The following NTM variants were observed in gnomAD, a reference collection of about 807,000 sequenced individuals.
NTM encodes neurotrimin.
Under a neutral mutation model 42.1 loss-of-function variants are expected in NTM, and 13 were observed. The ratio of observed to expected loss-of-function variants is 0.31; its 90% CI spans 0.20 to 0.49. The LOEUF is 0.49. NTM is among the 20% of genes least tolerant of loss of function. The pLI is 0.99. For missense variants in NTM, 373 were observed against 452.8 expected, an observed-to-expected ratio of 0.82 and a Z score of 1.60; for synonymous variants, 187 against 179.2, an observed-to-expected ratio of 1.04 and a Z score of -0.35.
intron 1 of NTM, among the ~76,000 whole-genome samples, chr11:131,701,737 G>T (rs2076092395): frequency 6.6e-6 from 1 of 152,064 alleles, no homozygotes; most frequent in African/African-American, 2.4e-5. Context: ...TGTCCATGGG[G>T]TCCTAGGGCA....
At chr11:132,144,042 A>T (rs928482098) in intron 2 of NTM, among the ~76,000 whole-genome samples, 1 of 152,192 alleles carries the variant, frequency 6.6e-6, no homozygotes, top group African/African-American at 2.4e-5. Flanking sequence ...ATGCAGATTC[A>T]AATTTCTTAT....
intron 3 of NTM, among the ~76,000 whole-genome samples, chr11:132,188,367 C>T (rs2078765600): frequency 6.6e-6 from 1 of 152,108 alleles, no homozygotes; most frequent in Non-Finnish European, 1.5e-5. Flanking sequence ...TTGTCTCCCT[C>T]CAGGCCATGC....
chr11:131,542,949 A>C (rs1326440045), intron 1 of NTM, among the ~76,000 whole-genome samples: 1 of 152,156 alleles, frequency 6.6e-6, no homozygotes, highest in Non-Finnish European at 1.5e-5. Context: ...GATTCCCAAA[A>C]CAATCCAAAA....
At chr11:132,307,855 G>C in intron 5 of NTM, 32 bp downstream of exon 5, 1 of 1,607,464 alleles carries the variant, frequency 6.2e-7, no homozygotes, top group South Asian at 1.1e-5. Flanking sequence ...CGCCCTGCAC[G>C]TGCATCAGGC....
At chr11:132,036,917 G>A (rs1227603347) in intron 2 of NTM, among the ~76,000 whole-genome samples, 4 of 152,116 alleles carry the variant, frequency 2.6e-5, no homozygotes, top group African/African-American at 9.7e-5. Context: ...TGGTGCTGTG[G>A]GTGGTATCCT....
intron 2 of NTM, among the ~76,000 whole-genome samples, chr11:131,975,417 A>T (rs1459743978): frequency 1.3e-5 from 2 of 151,982 alleles, no homozygotes; most frequent in East Asian, 1.9e-4. Flanking sequence ...TCACCTCATG[A>T]TCCACCTGCC....
intron 4 of NTM, among the ~76,000 whole-genome samples, chr11:132,279,745 C>A (rs1345417707): frequency 1.3e-5 from 2 of 152,164 alleles, no homozygotes; most frequent in Non-Finnish European, 2.9e-5. Context: ...CACCCACACA[C>A]ATGCCCATAC....
intron 1 of NTM, among the ~76,000 whole-genome samples, chr11:131,719,149 A>C (rs1250818363): frequency 1.3e-5 from 2 of 152,098 alleles, no homozygotes; most frequent in African/African-American, 4.8e-5. Context: ...GACTCCAGCT[A>C]TCTGCCCGTC....
intron 4 of NTM, among the ~76,000 whole-genome samples, chr11:132,286,049 C>T (rs1045789561): frequency 6.6e-6 from 1 of 152,202 alleles, no homozygotes; most frequent in African/African-American, 2.4e-5. Flanking sequence ...CTTGGCTTGG[C>T]TGCTGGCTGA....
rs757870387 is a variant in NTM at position 131,828,785 on chromosome 11, A to G, written c.83-82779A>G. 8.5e-4 allele frequency among the ~76,000 whole-genome samples: 129 copies of G among 152,128 alleles called. 4 individuals carry two copies. Among genetic ancestry groups the G allele is most frequent in the Non-Finnish European group, 2.2e-4 (15 of 68,028 alleles). On this transcript the variant is annotated intron_variant, in intron 1 of 8. Coordinates refer to ENST00000683400, the MANE Select transcript of NTM (RefSeq NM_001352005.2). ...TTCCCTCTTTTCTTCTCACTAACCT[A>G]GTCTCTATTCTACCTTCCAAGTATC...
intron 4 of NTM, among the ~76,000 whole-genome samples, chr11:132,271,092 C>T (rs561487725): frequency 3.9e-5 from 6 of 152,150 alleles, no homozygotes; most frequent in South Asian, 2.1e-4. Context: ...ACATTACCTT[C>T]CCTAAGGCCA....
intron 1 of NTM, among the ~76,000 whole-genome samples, chr11:131,583,299 C>T (rs952450722): frequency 2.6e-5 from 4 of 152,122 alleles, no homozygotes; most frequent in Admixed American, 2.0e-4. Context: ...CAGTACCTTC[C>T]CCATCCACCT....
chr11:131,969,161 G>A (rs969056239), intron 2 of NTM, among the ~76,000 whole-genome samples: 18 of 152,180 alleles, frequency 1.2e-4, no homozygotes, highest in Non-Finnish European at 4.4e-5. Flanking sequence ...ATAATCAGAA[G>A]TTTACCCAGG....
At position 131,521,383 on chromosome 11, in the gene NTM, C is replaced by CTTTTTTTTT. The variant is rs773233050; in HGVS notation, c.82+150526_82+150534dup. Among the ~76,000 whole-genome samples, 16 of 45,756 alleles carry CTTTTTTTTT rather than the reference C, an allele frequency of 3.5e-4. 5 individuals are homozygous for CTTTTTTTTT. The highest frequency in any genetic ancestry group is 1.9e-3 in the South Asian group (2 of 1,074). 30.0% of individuals were successfully genotyped at this position (45,756 alleles called of 152,430 possible). On this transcript the variant is annotated intron_variant, in intron 1 of 8. Coordinates refer to ENST00000683400, the MANE Select transcript of NTM (RefSeq NM_001352005.2). ...AATGCAGAAGAAGCAAGGTGCCAGT[C>CTTTTTTTTT]TTTTTTTTTTTTTTTTTTTTTTTTT...
chr11:131,912,147 CTG>C lies in NTM; in HGVS notation c.167+502_167+503del, dbSNP rs1437998340. Among the ~76,000 whole-genome samples the C allele has an allele frequency of 3.3e-5, 5 of 152,224 alleles. No homozygotes were observed. The East Asian group carries it at 9.6e-4, about 29-fold the overall frequency. On this transcript the variant is annotated intron_variant, in intron 2 of 8. Coordinates refer to ENST00000683400, the MANE Select transcript of NTM (RefSeq NM_001352005.2). ...AGCCGCTGCTTTGTCCTGGGCCTGA[CTG>C]TGCCCGGGCTTTCCTGGGGTGCCTT... is the stretch of plus-strand genomic sequence containing the variant.
At chr11:132,206,926 T>G (rs1859609673) in intron 3 of NTM, among the ~76,000 whole-genome samples, 1 of 152,230 alleles carries the variant, frequency 6.6e-6, no homozygotes, top group African/African-American at 2.4e-5. Flanking sequence ...ATATTTTGCC[T>G]TGTTATTCAA....
intron 4 of NTM, among the ~76,000 whole-genome samples, chr11:132,289,913 G>A (rs1330081202): frequency 6.6e-6 from 1 of 152,166 alleles, no homozygotes; most frequent in African/African-American, 2.4e-5. Context: ...TTATCCAAGA[G>A]TTTTTGTTTG....
chr11:132,102,626 G>C (rs987333651), intron 2 of NTM, among the ~76,000 whole-genome samples: 7 of 152,238 alleles, frequency 4.6e-5, no homozygotes, highest in Non-Finnish European at 1.0e-4. Context: ...ATTTTCCACA[G>C]TGTGGAAGAG....
intron 4 of NTM, among the ~76,000 whole-genome samples, chr11:132,269,440 G>A (rs535863622): frequency 5.9e-5 from 9 of 152,240 alleles, no homozygotes; most frequent in African/African-American, 1.2e-4. Flanking sequence ...TTTCACTACC[G>A]TTTGGTACTT....
Sources: gnomAD v4.1 joint callset for allele counts (sites outside exome capture counted in the v4.1 genomes callset) on GRCh38, gnomAD v4.1.1 for gene constraint, MANE v1.5 for transcripts, NCBI Gene and HGNC (gene_info 2026-07-23, HGNC 2026-07-21) for gene names.